The following MAGI2 variants were observed in gnomAD, a reference collection of about 807,000 sequenced individuals.
MAGI2 encodes the protein membrane associated guanylate kinase, WW and PDZ domain containing 2, also known as membrane-associated guanylate kinase, WW and PDZ domain-containing protein 2.
A neutral mutation model predicts 133.3 loss-of-function variants in MAGI2; 35 were observed. The observed-to-expected ratio is 0.26, with a 90% CI of 0.20 to 0.35. The LOEUF (loss-of-function observed/expected upper bound fraction) is 0.35, where lower values mean the gene tolerates loss of function less well. Ranked by LOEUF, MAGI2 falls within the 10% of genes least tolerant of loss-of-function variation. The pLI is 1.00. For missense variants in MAGI2, 1,636 were observed against 1,863.4 expected, an observed-to-expected ratio of 0.88 and a Z score of 2.25; for synonymous variants, 729 against 710.6, an observed-to-expected ratio of 1.03 and a Z score of -0.41.
At chr7:78,854,933 T>G (rs1793494577) in intron 2 of MAGI2, among the ~76,000 whole-genome samples, 1 of 152,016 alleles carries the variant, frequency 6.6e-6, no homozygotes, top group Non-Finnish European at 1.5e-5. Flanking sequence ...CTCGGCTCAC[T>G]CCAAACTCTG....
chr7:78,206,773 A>T (rs543113693), intron 10 of MAGI2, among the ~76,000 whole-genome samples: 1 of 152,214 alleles, frequency 6.6e-6, no homozygotes, highest in South Asian at 2.1e-4. Flanking sequence ...TTACAACGTC[A>T]TGTATTTCAT....
intron 2 of MAGI2, among the ~76,000 whole-genome samples, chr7:78,670,901 A>T (rs1474930722): frequency 2.0e-5 from 3 of 152,160 alleles, no homozygotes; most frequent in Non-Finnish European, 4.4e-5. Context: ...GCTTAGAACA[A>T]TGGGATTCCA....
intron 3 of MAGI2, among the ~76,000 whole-genome samples, chr7:78,623,127 A>G (rs548691940): frequency 1.3e-5 from 2 of 152,236 alleles, no homozygotes; most frequent in South Asian, 2.1e-4. Context: ...CATCTAGTGT[A>G]TCATGAGAAC....
At chr7:78,419,173 G>T (rs369464621) in intron 6 of MAGI2, among the ~76,000 whole-genome samples, 1 of 152,066 alleles carries the variant, frequency 6.6e-6, no homozygotes, top group African/African-American at 2.4e-5. Context: ...ATTCTTAAAA[G>T]AATTCCAGAT....
chr7:78,092,693 CT>C (rs1178919357), intron 20 of MAGI2, among the ~76,000 whole-genome samples: 1 of 152,140 alleles, frequency 6.6e-6, no homozygotes, highest in African/African-American at 2.4e-5. Context: ...TTGCAATGTA[CT>C]TTTTGAACTG....
intron 9 of MAGI2, among the ~76,000 whole-genome samples, chr7:78,284,587 T>C (rs964858383): frequency 4.6e-5 from 7 of 152,068 alleles, no homozygotes; most frequent in Admixed American, 4.6e-4. Context: ...CCTTTATATA[T>C]TCTAGTGGAT....
intron 21 of MAGI2, among the ~76,000 whole-genome samples, chr7:78,070,218 T>TATACACACAC (rs1453553515): frequency 7.6e-5 from 4 of 52,296 alleles, no homozygotes; most frequent in African/African-American, 1.9e-4. Flanking sequence ...TATATATATA[T>TATACACACAC]ACACACACAC....
At chr7:79,398,354 T>C (rs1489770852) in intron 1 of MAGI2, among the ~76,000 whole-genome samples, 3 of 152,196 alleles carry the variant, frequency 2.0e-5, no homozygotes, top group Admixed American at 1.3e-4. Flanking sequence ...GTCTTTGTCT[T>C]AAGGCCCAGA....
chr7:79,311,132 T>TTC (rs1838257048), intron 1 of MAGI2, among the ~76,000 whole-genome samples: 1 of 152,088 alleles, frequency 6.6e-6, no homozygotes, highest in East Asian at 1.9e-4. Flanking sequence ...TCAAAACTGC[T>TTC]CATAAAAGAT....
chr7:79,242,232 A>T (rs1336788046), intron 1 of MAGI2, among the ~76,000 whole-genome samples: 1 of 152,176 alleles, frequency 6.6e-6, no homozygotes, highest in African/African-American at 2.4e-5. Flanking sequence ...AATTAGCTTG[A>T]TTTAGCCAGC....
intron 3 of MAGI2, among the ~76,000 whole-genome samples, chr7:78,596,207 TGAAG>T (rs1563219738): frequency 4.5e-5 from 2 of 44,874 alleles, no homozygotes; most frequent in Admixed American, 3.4e-4. Context: ...AGGGAAGGAA[TGAAG>T]GAAGGGAGGG....
At chr7:78,679,904 A>G (rs985950778) in intron 2 of MAGI2, among the ~76,000 whole-genome samples, 29 of 152,168 alleles carry the variant, frequency 1.9e-4, no homozygotes, top group African/African-American at 6.8e-4. Flanking sequence ...AGCAAACAAC[A>G]AAGTCAGCAT....
chr7:79,109,573 G>A (rs1314274786), intron 1 of MAGI2, among the ~76,000 whole-genome samples: 1 of 152,158 alleles, frequency 6.6e-6, no homozygotes, highest in African/African-American at 2.4e-5. Context: ...CTTAAAGTTG[G>A]AATTTATATT....
chr7:79,214,391 CTCTCTCTCTCTCTCTCTA>C (rs1204386120), intron 1 of MAGI2, among the ~76,000 whole-genome samples: 80 of 93,200 alleles, frequency 8.6e-4, no homozygotes, highest in African/African-American at 2.7e-3. Context: ...CTCTCTCTCT[CTCTCTCTCTCTCTCTCTA>C]TATATATATA....
In MAGI2 at chr7:78,559,965, G is replaced by A. The variant is rs576473028; in HGVS notation, c.539-38320C>T. Among the ~76,000 whole-genome samples, 326 of 152,200 alleles carry A rather than the reference G, an allele frequency of 2.1e-3. 1 individual carries two copies. The highest frequency in any genetic ancestry group is 6.8e-3 in the Middle Eastern group (2 of 294). ...ATAAGAAAAAATAGGGACTAAAGTA[G>A]AGAAAGAATAAATAAAGGTATCTAC... On this transcript the variant is annotated intron_variant, in intron 3 of 21. Coordinates refer to ENST00000354212, the MANE Select transcript of MAGI2 (RefSeq NM_012301.4).
At chr7:79,433,322 C>A (rs1307120206) in intron 1 of MAGI2, among the ~76,000 whole-genome samples, 1 of 151,922 alleles carries the variant, frequency 6.6e-6, no homozygotes, top group Non-Finnish European at 1.5e-5. Context: ...GAGGCCGAGG[C>A]GGATGGATCA....
chr7:78,057,530 G>A (rs1368568289), intron 21 of MAGI2, among the ~76,000 whole-genome samples: 4 of 152,106 alleles, frequency 2.6e-5, no homozygotes, highest in African/African-American at 9.7e-5. Context: ...TGTTTAAATA[G>A]TTGCCATCCA....
chr7:79,059,223 T>C lies in MAGI2; in HGVS notation c.302-52017A>G, dbSNP rs1248987517. ...GTGATTTTTTTTGTAGCACAATTTA[T>C]ATTTGTATTTTTAATGATTTTTTAA... is the stretch of plus-strand genomic sequence containing the variant. On this transcript the variant is annotated intron_variant, in intron 1 of 21. Transcript: ENST00000354212. Among the ~76,000 whole-genome samples, 3 of 152,076 alleles carry C rather than the reference T, an allele frequency of 2.0e-5. 1 individual carries two copies. Among genetic ancestry groups the C allele is most frequent in the South Asian group, 4.1e-4 (2 of 4,832 alleles).
rs534031198 is a variant in MAGI2 at position 78,676,632 on chromosome 7, C to T, written c.419-49393G>A. ...AATCCAGTGTCACAGTTGATTAAAA[C>T]GCAGTCTGTATTTGTTACATTTTTG... is the stretch of plus-strand genomic sequence containing the variant. On this transcript the variant is annotated intron_variant, in intron 2 of 21. Transcript: ENST00000354212. Among the ~76,000 whole-genome samples the T allele has an allele frequency of 7.1e-4, 108 of 152,148 alleles. 3 individuals are homozygous for T. In the South Asian group the frequency reaches 8.1e-3, roughly 11 times the overall value.
Sources: allele counts gnomAD v4.1 joint callset (sites outside exome capture counted in the v4.1 genomes callset), GRCh38; gene constraint gnomAD v4.1.1; transcripts MANE v1.5; gene names NCBI Gene and HGNC (gene_info 2026-07-23, HGNC 2026-07-21).